The following MEF2C variants were observed in gnomAD, a reference collection of about 807,000 sequenced individuals.
MEF2C encodes myocyte-specific enhancer factor 2C.
In MEF2C, 6 loss-of-function variants were observed where a neutral mutation model predicts 50.5. The observed-to-expected ratio is 0.12, with a 90% CI of 0.07 to 0.23. MEF2C has a LOEUF of 0.23. Among genes scored for constraint, MEF2C ranks in the 10% least tolerant of loss-of-function variants. The pLI is 1.00. For missense variants in MEF2C, 276 were observed against 605.0 expected (o/e 0.46, Z 5.70); for synonymous variants, 183 against 228.0 (o/e 0.80, Z 1.78).
chr5:88,824,204 A>AT (rs909490937), intron 1 of MEF2C: 246 of 951,476 alleles, frequency 2.6e-4, no homozygotes, highest in Middle Eastern at 1.1e-3. Context: ...CTTGAAATGT[A>AT]TTTTTTTTTG....
intron 1 of MEF2C, among the ~76,000 whole-genome samples, chr5:88,837,266 A>C (rs1337724801): frequency 6.6e-6 from 1 of 152,164 alleles, no homozygotes; most frequent in East Asian, 1.9e-4. Context: ...AAAATACAAT[A>C]GTATTGCTGA....
At chr5:88,838,388 T>C (rs1262837998) in intron 1 of MEF2C, 3 of 220,216 alleles carry the variant, frequency 1.4e-5, no homozygotes, top group Non-Finnish European at 2.3e-5. Flanking sequence ...TTTTTTTTTT[T>C]CTACTTTCTA....
intron 2 of MEF2C, among the ~76,000 whole-genome samples, chr5:88,818,373 G>T (rs1806558953): frequency 6.6e-6 from 1 of 151,746 alleles, no homozygotes; most frequent in Non-Finnish European, 1.5e-5. Context: ...AAAAAAATCT[G>T]TTTCAGGAGC....
intron 1 of MEF2C, among the ~76,000 whole-genome samples, chr5:88,864,417 A>G (rs1581725931): frequency 1.3e-5 from 2 of 151,912 alleles, no homozygotes; most frequent in African/African-American, 4.8e-5. Context: ...AGCTCGGAGA[A>G]ACTGCAATAC....
chr5:88,883,469 A>G (rs1833589949), upstream of MEF2C: 1 of 121,250 alleles, frequency 8.2e-6, no homozygotes, highest in South Asian at 2.8e-4. Flanking sequence ...AACAGCTCAC[A>G]GCGTTTGAAA....
chr5:88,757,133 TTA>T (rs1171155374), intron 4 of MEF2C, among the ~76,000 whole-genome samples: 1 of 152,164 alleles, frequency 6.6e-6, no homozygotes, highest in African/African-American at 2.4e-5. Context: ...TAAAAAACTT[TTA>T]GTTTCTATCC....
chr5:88,772,869 C>T (rs769949528), intron 3 of MEF2C: 5 of 985,410 alleles, frequency 5.1e-6, no homozygotes, highest in Non-Finnish European at 6.0e-6. Context: ...AGTTAATATG[C>T]CCTGTGAAGA....
At position 88,759,326 on chromosome 5, in the gene MEF2C, T is replaced by C. The variant is rs561521448; in HGVS notation, c.402+1859A>G. On this transcript the variant is annotated intron_variant, in intron 4 of 10. Coordinates refer to ENST00000504921, the MANE Select transcript of MEF2C (RefSeq NM_002397.5). ...GGAGAAATTCCATCTCTACTAAAAA[T>C]ACAAAATTAGCCGGGAGTGGTGGCA... 3.9e-4 allele frequency among the ~76,000 whole-genome samples: 59 copies of C among 152,178 alleles called. No individual in the cohort carries two copies. In the Middle Eastern group the frequency reaches 0.01, roughly 26 times the overall value.
chr5:88,838,146 T>C (rs1039340149), intron 1 of MEF2C, among the ~76,000 whole-genome samples: 2 of 152,186 alleles, frequency 1.3e-5, no homozygotes, highest in African/African-American at 4.8e-5. Context: ...CTAAGTAATA[T>C]TCAAGGGAGT....
At chr5:88,775,009 T>A (rs1784124338) in intron 3 of MEF2C, among the ~76,000 whole-genome samples, 1 of 152,236 alleles carries the variant, frequency 6.6e-6, no homozygotes, top group Non-Finnish European at 1.5e-5. Flanking sequence ...TGTCGGGGTA[T>A]CCTTAGTACC....
In MEF2C at chr5:88,835,242, A is replaced by G. The variant is rs141712508; in HGVS notation, c.-142-11312T>C. Among the ~76,000 whole-genome samples the G allele has an allele frequency of 4.5e-3, 680 of 152,354 alleles. 2 individuals carry two copies. The highest frequency in any genetic ancestry group is 0.017 in the Middle Eastern group (5 of 294). On this transcript the variant is annotated intron_variant, in intron 1 of 10. Coordinates refer to ENST00000504921, the MANE Select transcript of MEF2C (RefSeq NM_002397.5). ...CTTTTTAAAATTTGAGAAAAAAACA[A>G]TCTTACAACCGTACTAATGTAACTT...
At chr5:88,795,018 C>T (rs1795402590) in intron 3 of MEF2C, among the ~76,000 whole-genome samples, 1 of 152,058 alleles carries the variant, frequency 6.6e-6, no homozygotes, top group South Asian at 2.1e-4. Context: ...GTTTTGGTAC[C>T]AGTATTATGC....
intron 4 of MEF2C, among the ~76,000 whole-genome samples, chr5:88,754,788 C>T (rs140843567): frequency 8.5e-4 from 129 of 152,290 alleles, no homozygotes; most frequent in African/African-American, 3.0e-3. Context: ...TGCTCAAAAC[C>T]CTGTGAGGGC....
chr5:88,803,337 A>G (rs960037205), intron 3 of MEF2C, among the ~76,000 whole-genome samples: 1 of 152,242 alleles, frequency 6.6e-6, no homozygotes, highest in African/African-American at 2.4e-5. Flanking sequence ...TCAGCTCAAT[A>G]CTTTTGAAAA....
intron 1 of MEF2C, among the ~76,000 whole-genome samples, chr5:88,826,030 A>G (rs982784307): frequency 6.6e-6 from 1 of 151,972 alleles, no homozygotes; most frequent in African/African-American, 2.4e-5. Flanking sequence ...ACAAGCAGCA[A>G]AACATCCTTG....
At chr5:88,875,442 A>C (rs544523741) in intron 1 of MEF2C, among the ~76,000 whole-genome samples, 2 of 152,152 alleles carry the variant, frequency 1.3e-5, no homozygotes, top group South Asian at 4.1e-4. Context: ...ATGATCTAAC[A>C]TATCTGGAAT....
chr5:88,737,692 G>T (rs1311987091), intron 6 of MEF2C: 3 of 985,216 alleles, frequency 3.0e-6, no homozygotes, highest in Non-Finnish European at 3.6e-6. Flanking sequence ...AGGAATGCAG[G>T]ACAGAGAGAT....
chr5:88,853,106 C>T (rs557318339), intron 1 of MEF2C, among the ~76,000 whole-genome samples: 1 of 152,206 alleles, frequency 6.6e-6, no homozygotes, highest in Admixed American at 6.5e-5. Flanking sequence ...TGCTTGTAGT[C>T]CCAGCTACTC....
intron 3 of MEF2C, among the ~76,000 whole-genome samples, chr5:88,783,011 T>C (rs1788916053): frequency 6.6e-6 from 1 of 152,214 alleles, no homozygotes; most frequent in Non-Finnish European, 1.5e-5. Context: ...TTGTGACTCT[T>C]TGCATACTTG....
Sources: gnomAD v4.1 joint callset for allele counts (sites outside exome capture counted in the v4.1 genomes callset) on GRCh38, gnomAD v4.1.1 for gene constraint, MANE v1.5 for transcripts, NCBI Gene and HGNC (gene_info 2026-07-23, HGNC 2026-07-21) for gene names.